The following PHEX variants were observed in gnomAD, a reference collection of about 807,000 sequenced individuals.
PHEX encodes phosphate regulating endopeptidase X-linked.
PHEX carries 16 observed loss-of-function variants against 68.0 expected under a neutral mutation model. That is an observed-to-expected ratio of 0.24 (90% CI 0.16 to 0.36). The LOEUF is 0.36. PHEX is among the 10% of genes least tolerant of loss of function. The probability of loss-of-function intolerance (pLI) is 1.00; values close to 1 mark genes in which losing one functional copy is unlikely to be tolerated. For missense variants in PHEX, 480 were observed against 575.5 expected (o/e 0.83, Z 1.70); for synonymous variants, 208 against 205.1 (o/e 1.01, Z -0.12).
At chrX:22,134,866 C>T (rs1433741958) in intron 12 of PHEX, among the ~76,000 whole-genome samples, 3 of 111,776 alleles carry the variant, frequency 2.7e-5, no homozygotes, top group South Asian at 7.5e-4. Context: ...AGCCAGTCTC[C>T]GGGTGATTGT....
intron 12 of PHEX, among the ~76,000 whole-genome samples, chrX:22,155,175 GT>G (rs2147106271): frequency 8.9e-6 from 1 of 112,779 alleles, no homozygotes; most frequent in South Asian, 3.6e-4. Context: ...ACCTCCCAAA[GT>G]GCTGGGATTA....
chrX:22,162,459 T>C (rs1207366376), intron 12 of PHEX, among the ~76,000 whole-genome samples: 1 of 111,825 alleles, frequency 8.9e-6, no homozygotes, highest in Non-Finnish European at 1.9e-5. Flanking sequence ...TGGACTCTTC[T>C]GGAAGACCTC....
chrX:22,138,061 T>A (rs1381375279), intron 12 of PHEX, among the ~76,000 whole-genome samples: 1 of 112,559 alleles, frequency 8.9e-6, no homozygotes, highest in Non-Finnish European at 1.9e-5. Flanking sequence ...TACTCGTTGC[T>A]GACTGCCTTT....
At chrX:22,148,716 A>G (rs1488239763) in intron 12 of PHEX, among the ~76,000 whole-genome samples, 3 of 111,453 alleles carry the variant, frequency 2.7e-5, no homozygotes, top group Admixed American at 9.5e-5. Flanking sequence ...GATTCCACAT[A>G]TAAGTGAGAT....
At chrX:22,133,477 G>T in intron 11 of PHEX, 46 bp from the exon 12 acceptor site, 1 of 1,052,874 alleles carries the variant, frequency 9.5e-7, no homozygotes, top group Non-Finnish European at 1.3e-6. Flanking sequence ...AACCTCGACT[G>T]AAGCTTCTTG....
At chrX:22,159,437 G>C (rs904435409) in intron 12 of PHEX, among the ~76,000 whole-genome samples, 6 of 111,918 alleles carry the variant, frequency 5.4e-5, no homozygotes, top group African/African-American at 2.0e-4. Flanking sequence ...CTTGAGCCCA[G>C]GAGTTTGAGA....
At chrX:22,149,868 G>C (rs926629974) in intron 12 of PHEX, among the ~76,000 whole-genome samples, 1 of 112,734 alleles carries the variant, frequency 8.9e-6, no homozygotes, top group Non-Finnish European at 1.9e-5. Context: ...CATTAAAAAT[G>C]ATTCATGAAA....
At chrX:22,104,521 A>G (rs778383384) in intron 9 of PHEX, among the ~76,000 whole-genome samples, 10 of 111,809 alleles carry the variant, frequency 8.9e-5, no homozygotes, top group African/African-American at 1.6e-4. Flanking sequence ...ATGTTCGGTG[A>G]TCTCATGTTG....
intron 11 of PHEX, among the ~76,000 whole-genome samples, chrX:22,125,702 C>G (rs1412210351): frequency 9.0e-6 from 1 of 111,704 alleles, no homozygotes; most frequent in Admixed American, 9.6e-5. Context: ...ACCTTGTCCC[C>G]TAATATAACG....
At chrX:22,218,765 ATC>A (rs1935172329) in intron 16 of PHEX, among the ~76,000 whole-genome samples, 1 of 112,308 alleles carries the variant, frequency 8.9e-6, no homozygotes, top group African/African-American at 3.2e-5. Flanking sequence ...TTTAGAAATC[ATC>A]TCTTTCACAT....
intron 12 of PHEX, among the ~76,000 whole-genome samples, chrX:22,136,890 T>C (rs1932255984): frequency 8.9e-6 from 1 of 112,044 alleles, no homozygotes; most frequent in East Asian, 2.8e-4. Flanking sequence ...GTAGTTTTTG[T>C]ATTGTGAAAC....
chrX:22,138,507 G>A (rs1312513804), intron 12 of PHEX, among the ~76,000 whole-genome samples: 2 of 111,460 alleles, frequency 1.8e-5, no homozygotes, highest in South Asian at 7.5e-4. Context: ...GACATGTGAG[G>A]GTGCCTTACT....
chrX:22,088,483 T>G (rs1267803355), intron 5 of PHEX, among the ~76,000 whole-genome samples: 1 of 111,668 alleles, frequency 9.0e-6, no homozygotes, highest in Admixed American at 9.5e-5. Context: ...TTGTCAGATT[T>G]TTTTTTCCAT....
At chrX:22,061,042 C>G (rs1928339109) in intron 3 of PHEX, among the ~76,000 whole-genome samples, 1 of 111,512 alleles carries the variant, frequency 9.0e-6, no homozygotes, top group East Asian at 2.8e-4. Context: ...TGAAGCTTCT[C>G]CAAGGGTCCA....
At chrX:22,238,593 C>T (rs745646777) in intron 20 of PHEX, among the ~76,000 whole-genome samples, 16 of 111,419 alleles carry the variant, frequency 1.4e-4, no homozygotes, top group East Asian at 2.8e-4. Flanking sequence ...GAGGGGCATC[C>T]GCCATTGCTG....
At position 22,226,655 on chromosome X, in the gene PHEX, A is replaced by G. The variant is rs772923117; in HGVS notation, c.1965+147A>G. 19 of 536,084 alleles carry G rather than the reference A, an allele frequency of 3.5e-5. No individual in the cohort carries two copies. The South Asian group carries it at 5.2e-4, about 15-fold the overall frequency. 44.2% of individuals were successfully genotyped at this position (536,084 alleles called of 1,213,427 possible). On this transcript the variant is annotated intron_variant, in intron 19 of 21. Transcript: ENST00000379374. ...TCTGTAAATAGAAGTGTGTCTCCCC[A>G]TTGACCCTATTACATAAAGAGAACT... is the stretch of plus-strand genomic sequence containing the variant.
In PHEX at chrX:22,074,942, T is replaced by A. The variant is rs1253607886; in HGVS notation, c.350-1446T>A. ...AATACAAAAAATTAGCCGAGTGTGGTGGTGTGCACCTGTAATCTCAGCTAC... is the reference window on the plus strand; with the variant it reads ...AATACAAAAAATTAGCCGAGTGTGGAGGTGTGCACCTGTAATCTCAGCTAC... On this transcript the variant is annotated intron_variant, in intron 3 of 21. Transcript: ENST00000379374. Among the ~76,000 whole-genome samples, 3 of 109,675 alleles carry A rather than the reference T, an allele frequency of 2.7e-5. No homozygotes were observed. The Admixed American group carries it at 2.9e-4, about 11-fold the overall frequency.
At chrX:22,214,824 T>C (rs1414854508) in intron 16 of PHEX, among the ~76,000 whole-genome samples, 5 of 111,975 alleles carry the variant, frequency 4.5e-5, no homozygotes, top group Non-Finnish European at 9.4e-5. Flanking sequence ...GCACCATCGT[T>C]AGAGTAAATA....
intron 12 of PHEX, chrX:22,162,701 T>A (rs1933177181): frequency 8.9e-6 from 1 of 112,229 alleles, no homozygotes; most frequent in Non-Finnish European, 1.9e-5. Flanking sequence ...TAGGATTACA[T>A]TAGCTAATGG....
Sources: gnomAD v4.1 joint callset for allele counts (sites outside exome capture counted in the v4.1 genomes callset) on GRCh38, gnomAD v4.1.1 for gene constraint, MANE v1.5 for transcripts, NCBI Gene and HGNC (gene_info 2026-07-23, HGNC 2026-07-21) for gene names.